Variants in SHC4 observed in about 807,000 individuals in gnomAD.
The protein encoded by SHC4 is SHC-transforming protein 4.
Under a neutral mutation model 69.4 loss-of-function variants are expected in SHC4, and 41 were observed. The ratio of observed to expected loss-of-function variants is 0.59; its 90% CI spans 0.46 to 0.77. The LOEUF (loss-of-function observed/expected upper bound fraction) is 0.77, where lower values mean the gene tolerates loss of function less well. SHC4 is among the 30% of genes least tolerant of loss of function. The pLI, the probability that SHC4 is intolerant of heterozygous loss-of-function variation, is 0.00. For missense variants in SHC4, 777 were observed against 783.8 expected, an observed-to-expected ratio of 0.99 and a Z score of 0.10; for synonymous variants, 318 against 299.3, an observed-to-expected ratio of 1.06 and a Z score of -0.64.
intron 6 of SHC4, among the ~76,000 whole-genome samples, chr15:48,859,306 G>GGTGTGTGT (rs58641880): frequency 0.012 from 1,711 of 145,906 alleles, 18 homozygotes; most frequent in African/African-American, 0.027. Context: ...ATTTGAAAGG[G>GGTGTGTGT]GTGTGTGTGT....
chr15:48,869,209 G>C (rs1899619237), intron 5 of SHC4, among the ~76,000 whole-genome samples: 1 of 152,216 alleles, frequency 6.6e-6, no homozygotes, highest in Admixed American at 6.5e-5. Flanking sequence ...TTTTTAAGTG[G>C]AGAAAGTATA....
At chr15:48,878,207 T>C in intron 4 of SHC4, 1 of 1,587,874 alleles carries the variant, frequency 6.3e-7, no homozygotes, top group South Asian at 1.1e-5. Context: ...GTCCGAGCTG[T>C]ATGAAGAGAG....
At chr15:48,885,683 C>A (rs1027717597) in intron 3 of SHC4, among the ~76,000 whole-genome samples, 2 of 152,148 alleles carry the variant, frequency 1.3e-5, no homozygotes, top group Admixed American at 6.5e-5. Flanking sequence ...GGAGCCATAC[C>A]AAACTGTTAA....
intron 2 of SHC4, among the ~76,000 whole-genome samples, chr15:48,918,783 G>T (rs986355180): frequency 6.6e-6 from 1 of 152,170 alleles, no homozygotes; most frequent in African/African-American, 2.4e-5. Context: ...AGTCAGAGGT[G>T]AATTCTGCAA....
At chr15:48,856,534 C>T (rs1413839674) in intron 7 of SHC4, among the ~76,000 whole-genome samples, 2 of 151,508 alleles carry the variant, frequency 1.3e-5, no homozygotes, top group South Asian at 2.1e-4. Flanking sequence ...TATTGTTCTT[C>T]GGGTATAGGG....
chr15:48,857,837 A>G (rs1475486216), intron 6 of SHC4, 22 bp from the exon 7 acceptor site: 6 of 1,471,528 alleles, frequency 4.1e-6, no homozygotes, highest in Non-Finnish European at 5.4e-6. Flanking sequence ...CATACAAAAA[A>G]TAATATTATA....
intron 1 of SHC4, among the ~76,000 whole-genome samples, chr15:48,951,095 C>T (rs1901358112): frequency 6.6e-6 from 1 of 152,064 alleles, no homozygotes; most frequent in South Asian, 2.1e-4. Flanking sequence ...GCAGCCTTGT[C>T]CATTCCACGG....
At chr15:48,914,062 T>C (rs1271427829) in intron 2 of SHC4, among the ~76,000 whole-genome samples, 1 of 152,352 alleles carries the variant, frequency 6.6e-6, no homozygotes, top group East Asian at 1.9e-4. Context: ...GGTTTCACCA[T>C]GTTGCCCAGG....
At chr15:48,827,285 T>A (rs527945174) in intron 11 of SHC4, among the ~76,000 whole-genome samples, 25 of 152,314 alleles carry the variant, frequency 1.6e-4, no homozygotes, top group Admixed American at 2.6e-4. Context: ...GGACTATGAC[T>A]TAGATAGTAT....
intron 1 of SHC4, among the ~76,000 whole-genome samples, chr15:48,931,572 A>G (rs1900965706): frequency 2.0e-5 from 3 of 151,948 alleles, no homozygotes. Flanking sequence ...TCTCCCTATC[A>G]TCGTCATAAC....
At chr15:48,834,729 A>G in intron 11 of SHC4, 40 bp downstream of exon 11, 1 of 1,607,666 alleles carries the variant, frequency 6.2e-7, no homozygotes, top group Admixed American at 1.7e-5. Flanking sequence ...GCTTAATAGA[A>G]CAACATCCTG....
chr15:48,944,472 A>G (rs1338996303), intron 1 of SHC4, among the ~76,000 whole-genome samples: 1 of 152,124 alleles, frequency 6.6e-6, no homozygotes, highest in African/African-American at 2.4e-5. Context: ...TGCTTGGAAA[A>G]TGGGTATGAT....
At chr15:48,848,155 G>A (rs1269879421) in intron 9 of SHC4, among the ~76,000 whole-genome samples, 1 of 152,128 alleles carries the variant, frequency 6.6e-6, no homozygotes, top group East Asian at 1.9e-4. Flanking sequence ...CACAGTAGGA[G>A]GGACCTTACT....
At chr15:48,952,587 G>GA (rs889973301) in intron 1 of SHC4, among the ~76,000 whole-genome samples, 4 of 151,540 alleles carry the variant, frequency 2.6e-5, no homozygotes, top group South Asian at 2.1e-4. Context: ...AAATTTACAA[G>GA]AAAAAAAACC....
Position 48,856,129 on chromosome 15 carries a change from G to A in SHC4, c.1071-5C>T. ...CTATCAATATGCACCTCCTCACTGT[G>A]AAGGAAAAAAGAATCCTCAAGAGGC... On this transcript the variant is annotated splice_region_variant and splice_polypyrimidine_tract_variant and intron_variant, in intron 7 of 11. Coordinates refer to ENST00000332408, the MANE Select transcript of SHC4 (RefSeq NM_203349.4). 3 of 1,604,548 alleles carry A rather than the reference G, an allele frequency of 1.9e-6. No individual in the cohort carries two copies. Among genetic ancestry groups the A allele is most frequent in the East Asian group, 2.2e-5 (1 of 44,724 alleles).
chr15:48,910,561 A>G (rs974740788), intron 2 of SHC4, among the ~76,000 whole-genome samples: 1 of 151,470 alleles, frequency 6.6e-6, no homozygotes, highest in Non-Finnish European at 1.5e-5. Flanking sequence ...TCTCAATTTC[A>G]TTTAGTTCTG....
At chr15:48,831,564 A>G (rs1361832255) in intron 11 of SHC4, among the ~76,000 whole-genome samples, 1 of 152,248 alleles carries the variant, frequency 6.6e-6, no homozygotes, top group Non-Finnish European at 1.5e-5. Context: ...CCTACAAGCA[A>G]TAGGTTATAC....
intron 1 of SHC4, chr15:48,945,873 C>A (rs543640590): frequency 6.6e-6 from 1 of 151,928 alleles, no homozygotes; most frequent in African/African-American, 2.4e-5. Flanking sequence ...AATTATAGCT[C>A]AATAAAACTG....
chr15:48,923,973 T>C (rs1056088632), intron 2 of SHC4, among the ~76,000 whole-genome samples: 6 of 152,110 alleles, frequency 3.9e-5, no homozygotes, highest in Admixed American at 3.3e-4. Context: ...TATACTGTAG[T>C]CTCCTAAAGA....
Sources: gnomAD v4.1 joint callset for allele counts (sites outside exome capture counted in the v4.1 genomes callset) on GRCh38, gnomAD v4.1.1 for gene constraint, MANE v1.5 for transcripts, NCBI Gene and HGNC (gene_info 2026-07-23, HGNC 2026-07-21) for gene names.